The following CA12 variants were observed in gnomAD, a reference collection of about 807,000 sequenced individuals.
The protein encoded by CA12 is carbonic anhydrase 12, also known as carbonate dehydratase XII.
CA12 carries 36 observed loss-of-function variants against 46.8 expected under a neutral mutation model. The ratio of observed to expected loss-of-function variants is 0.77; its 90% CI spans 0.59 to 1.02. The LOEUF is 1.02. Among genes scored for constraint, CA12 ranks in the 50% least tolerant of loss-of-function variants. The pLI is 0.00. For missense variants in CA12, 436 were observed against 451.4 expected (o/e 0.97, Z 0.31); for synonymous variants, 202 against 187.0 (o/e 1.08, Z -0.65).
intron 2 of CA12, among the ~76,000 whole-genome samples, chr15:63,350,531 CTTTCACAGTTTGT>C (rs561361177): frequency 6.6e-6 from 1 of 152,336 alleles, no homozygotes; most frequent in African/African-American, 2.4e-5. Context: ...GATCACGTGT[CTTTCACAGTTTGT>C]TTTTCTAAAT....
rs897806750 is a variant in CA12, at chr15:63,330,304, G to A, written c.875-2174C>T. On this transcript the variant is annotated intron_variant, in intron 8 of 10. Transcript: ENST00000178638. The surrounding 1 kb of genome is among the most constrained non-coding windows in gnomAD (Gnocchi z 4.0). ...CACAGTGGAACTTGGTATTAGGGTT[G>A]GTTGTTTCTTTTTTAAATGTAACCA... 1.3e-5 allele frequency among the ~76,000 whole-genome samples: 2 copies of A among 152,160 alleles called. No homozygotes were observed. Among genetic ancestry groups the A allele is most frequent in the African/African-American group, 4.8e-5 (2 of 41,444 alleles).
At chr15:63,334,967 G>C (rs2038982186) in intron 8 of CA12, among the ~76,000 whole-genome samples, 1 of 152,168 alleles carries the variant, frequency 6.6e-6, no homozygotes, top group Non-Finnish European at 1.5e-5. Flanking sequence ...ATAAAACAAT[G>C]AAGACCAGGG....
chr15:63,333,998 C>A lies in CA12; in HGVS notation c.874+4821G>T, dbSNP rs907870576. On this transcript the variant is annotated intron_variant, in intron 8 of 10. Coordinates refer to ENST00000178638, the MANE Select transcript of CA12 (RefSeq NM_001218.5). ...TTGCTTCATTACCCAGCATCTGGGCCCAGTGTTGGTGCCACTGGCTAGGAG... is the reference window on the plus strand; with the variant it reads ...TTGCTTCATTACCCAGCATCTGGGCACAGTGTTGGTGCCACTGGCTAGGAG... Among the ~76,000 whole-genome samples, 4 of 152,124 alleles carry A rather than the reference C, an allele frequency of 2.6e-5. No homozygotes were observed. In the East Asian group the frequency reaches 7.7e-4, roughly 29 times the overall value.
Position 63,339,904 on chromosome 15 carries a change from C to T in CA12, c.747+384G>A. The T allele has an allele frequency of 3.1e-6, 1 of 326,326 alleles. No individual in the cohort carries two copies. The highest frequency in any genetic ancestry group is 5.9e-6 in the Non-Finnish European group (1 of 168,644). 20.2% of individuals were successfully genotyped at this position (326,326 alleles called of 1,614,324 possible). On this transcript the variant is annotated intron_variant, in intron 7 of 10. Coordinates refer to ENST00000178638, the MANE Select transcript of CA12 (RefSeq NM_001218.5). The surrounding 1 kb of genome is among the most constrained non-coding windows in gnomAD (Gnocchi z 4.3). ...ACCTTGAGCTTCTTGGGGGCAGGGA[C>T]CCTCACTTAGTCATTGCTGCAATCC... is the stretch of plus-strand genomic sequence containing the variant.
chr15:63,366,724 A>G (rs768060052), intron 2 of CA12, among the ~76,000 whole-genome samples: 1 of 152,184 alleles, frequency 6.6e-6, no homozygotes, highest in Non-Finnish European at 1.5e-5. Flanking sequence ...TACTATATAA[A>G]TATGTTTAAA....
rs1176909661 is a variant in CA12 at position 63,329,436 on chromosome 15, C to T, written c.875-1306G>A. Among the ~76,000 whole-genome samples, 1 of 152,180 alleles carries T rather than the reference C, an allele frequency of 6.6e-6. No individual in the cohort carries two copies. Among genetic ancestry groups the T allele is most frequent in the Non-Finnish European group, 1.5e-5 (1 of 68,038 alleles). On this transcript the variant is annotated intron_variant, in intron 8 of 10. Transcript: ENST00000178638. The surrounding 1 kb of genome is among the most constrained non-coding windows in gnomAD (Gnocchi z 4.8). ...CAGAGGATCCCAGTCATGAAGTCTC[C>T]CCTGAAAACCCTCAGCCTGTTTTTT... is the stretch of plus-strand genomic sequence containing the variant.
rs1394519584 is a variant in CA12 at position 63,321,959 on chromosome 15, T to G, written c.*4326A>C. The stretch of plus-strand genomic sequence containing the variant: ...CCTGGCTTCACCCACAAGGCTTTCT[T>G]CTCGGGCTGATTTCTGTGGGAGCTC... On this transcript the variant is annotated 3_prime_UTR_variant, in exon 11 of 11. Coordinates refer to ENST00000178638, the MANE Select transcript of CA12 (RefSeq NM_001218.5). The surrounding 1 kb of genome is among the most constrained non-coding windows in gnomAD (Gnocchi z 4.5). The G allele has an allele frequency of 6.6e-6, 1 of 152,264 alleles. No individual in the cohort carries two copies. Among genetic ancestry groups the G allele is most frequent in the Non-Finnish European group, 1.5e-5 (1 of 68,060 alleles). The allele number at this position is 152,264 out of a possible 1,614,324, so 9.4% of individuals were successfully genotyped here. A position where few individuals can be genotyped will look rare whatever the true frequency, so the allele number is the denominator to read the frequency against.
rs1002307106 is a variant in CA12 at position 63,373,736 on chromosome 15, T to C, written c.106+1922A>G. On this transcript the variant is annotated intron_variant, in intron 2 of 10. Transcript: ENST00000178638. The surrounding 1 kb of genome is among the most constrained non-coding windows in gnomAD (Gnocchi z 4.9). ...GATGTGGGTGATCCCAAGCCGTAGTTTGAGAAACACTGGTCTAGACAACCC... is the reference window on the plus strand; with the variant it reads ...GATGTGGGTGATCCCAAGCCGTAGTCTGAGAAACACTGGTCTAGACAACCC... Among the ~76,000 whole-genome samples the C allele has an allele frequency of 6.6e-6, 1 of 152,198 alleles. No homozygotes were observed. Among genetic ancestry groups the C allele is most frequent in the African/African-American group, 2.4e-5 (1 of 41,438 alleles).
intron 2 of CA12, among the ~76,000 whole-genome samples, chr15:63,364,341 A>AAAAAAAAAAAC (rs2039410102): frequency 6.7e-6 from 1 of 148,830 alleles, no homozygotes; most frequent in African/African-American, 2.5e-5. Flanking sequence ...AGAAAAAAAA[A>AAAAAAAAAAAC]AAAAAAAAAA....
chr15:63,364,338 A>AAAAAAAAAAAAAAAAAC (rs2039409628), intron 2 of CA12, among the ~76,000 whole-genome samples: 1 of 142,596 alleles, frequency 7.0e-6, no homozygotes, highest in Non-Finnish European at 1.6e-5. Flanking sequence ...ACTAGAAAAA[A>AAAAAAAAAAAAAAAAAC]AAAAAAAAAA....
chr15:63,374,713 G>A lies in CA12; in HGVS notation c.106+945C>T, dbSNP rs911004201. 6.6e-6 allele frequency among the ~76,000 whole-genome samples: 1 copy of A among 152,186 alleles called. No individual in the cohort carries two copies. The highest frequency in any genetic ancestry group is 2.1e-4 in the South Asian group (1 of 4,834). ...GGCTGACCTATGCAAATTGGTGTCA[G>A]ATCTTTCTCTGGACGGTGCTTCCAC... On this transcript the variant is annotated intron_variant, in intron 2 of 10. Coordinates refer to ENST00000178638, the MANE Select transcript of CA12 (RefSeq NM_001218.5). This position sits in a 1 kb window ranked among gnomAD's most constrained non-coding sequence, Gnocchi z 4.4.
rs2039605645 is a variant in CA12, at chr15:63,378,461, C to T, written c.86-2783G>A. ...TCATTTCAGAAGGTCCACAGACTCC[C>T]CTGAAACCAGCTATGGGTGCATTGA... On this transcript the variant is annotated intron_variant, in intron 1 of 10. Coordinates refer to ENST00000178638, the MANE Select transcript of CA12 (RefSeq NM_001218.5). This position sits in a 1 kb window ranked among gnomAD's most constrained non-coding sequence, Gnocchi z 4.8. Among the ~76,000 whole-genome samples, 1 of 152,122 alleles carries T rather than the reference C, an allele frequency of 6.6e-6. No individual in the cohort carries two copies. Among genetic ancestry groups the T allele is most frequent in the Non-Finnish European group, 1.5e-5 (1 of 68,024 alleles).
chr15:63,357,675 T>C (rs991695139), intron 2 of CA12, among the ~76,000 whole-genome samples: 4 of 152,142 alleles, frequency 2.6e-5, no homozygotes, highest in African/African-American at 9.7e-5. Context: ...TTTAAATTAA[T>C]TTTTTGTTGT....
chr15:63,372,319 C>T lies in CA12; in HGVS notation c.106+3339G>A, dbSNP rs1367657781. Reference sequence around the variant, plus strand: ...GCCACCTCAGCCATGCTAAGCCCAGCAGCCATTCAGCTGCTGTTTCAGCAC... The same window carrying T: ...GCCACCTCAGCCATGCTAAGCCCAGTAGCCATTCAGCTGCTGTTTCAGCAC... On this transcript the variant is annotated intron_variant, in intron 2 of 10. Coordinates refer to ENST00000178638, the MANE Select transcript of CA12 (RefSeq NM_001218.5). The surrounding 1 kb of genome is among the most constrained non-coding windows in gnomAD (Gnocchi z 4.5). Among the ~76,000 whole-genome samples the T allele has an allele frequency of 1.3e-5, 2 of 152,220 alleles. No homozygotes were observed. Among genetic ancestry groups the T allele is most frequent in the Non-Finnish European group, 2.9e-5 (2 of 68,040 alleles).
Position 63,326,143 on chromosome 15 carries a change from C to A in CA12, c.*142G>T, listed in dbSNP as rs888028360. ...CATGGTCCCAAGGCAAGGAGGCACC[C>A]AGCAGAGGATCCCTGAGGCCTGGCA... On this transcript the variant is annotated 3_prime_UTR_variant, in exon 11 of 11. Coordinates refer to ENST00000178638, the MANE Select transcript of CA12 (RefSeq NM_001218.5). 2.8e-5 allele frequency: 20 copies of A among 717,410 alleles called. No individual in the cohort carries two copies. The highest frequency in any genetic ancestry group is 3.7e-4 in the Middle Eastern group (1 of 2,738). The allele number at this position is 717,410 out of a possible 1,614,324, so 44.4% of individuals were successfully genotyped here. A position where few individuals can be genotyped will look rare whatever the true frequency, so the allele number is the denominator to read the frequency against.
chr15:63,348,121 G>A lies in CA12; in HGVS notation c.107-1412C>T, dbSNP rs536638205. On this transcript the variant is annotated intron_variant, in intron 2 of 10. Coordinates refer to ENST00000178638, the MANE Select transcript of CA12 (RefSeq NM_001218.5). This position sits in a 1 kb window ranked among gnomAD's most constrained non-coding sequence, Gnocchi z 4.6. ...TTAGTTAGTTCTTACTTCTAGGTCCGGACACACACATCGGAACCCTACTGA... is the reference window on the plus strand; with the variant it reads ...TTAGTTAGTTCTTACTTCTAGGTCCAGACACACACATCGGAACCCTACTGA... 3.3e-5 allele frequency among the ~76,000 whole-genome samples: 5 copies of A among 152,202 alleles called. No homozygotes were observed. The highest frequency in any genetic ancestry group is 3.4e-3 in the Middle Eastern group (1 of 294).
chr15:63,342,204 C>T, intron 4 of CA12, 107 bp from the exon 5 acceptor site: 1 of 756,178 alleles, frequency 1.3e-6, no homozygotes, highest in South Asian at 1.5e-5. Context: ...CCAGCCCCCT[C>T]AGCCCCCCAG....
intron 2 of CA12, among the ~76,000 whole-genome samples, chr15:63,360,169 C>A (rs1375523594): frequency 6.6e-6 from 1 of 152,168 alleles, no homozygotes; most frequent in Admixed American, 6.5e-5. Context: ...CAGCAGTAGC[C>A]AGAGTAACGT....
At chr15:63,357,155 G>A (rs2039305262) in intron 2 of CA12, among the ~76,000 whole-genome samples, 1 of 152,184 alleles carries the variant, frequency 6.6e-6, no homozygotes, top group East Asian at 1.9e-4. Context: ...CTCACTGGTT[G>A]AGAAAAACTC....
Sources: allele counts gnomAD v4.1 joint callset (sites outside exome capture counted in the v4.1 genomes callset), GRCh38; gene constraint gnomAD v4.1.1; non-coding constraint Gnocchi (gnomAD v3.1); transcripts MANE v1.5; gene names NCBI Gene and HGNC (gene_info 2026-07-23, HGNC 2026-07-21).